TXLNG: variants seen among roughly 807,000 people sequenced by gnomAD.
TXLNG encodes the protein taxilin gamma, also known as gamma-taxilin.
A neutral mutation model predicts 38.8 loss-of-function variants in TXLNG; 5 were observed. That is an observed-to-expected ratio of 0.13 (90% confidence interval 0.07 to 0.27). TXLNG has a LOEUF of 0.27. Among genes scored for constraint, TXLNG ranks in the 10% least tolerant of loss-of-function variants. The pLI, the probability that TXLNG is intolerant of heterozygous loss-of-function variation, is 1.00. For synonymous variants in TXLNG, 182 were observed against 158.2 expected (o/e 1.15, Z -1.13); for missense variants, 393 against 398.2 (o/e 0.99, Z 0.11).
At chrX:16,805,349 C>T (rs895967160) in intron 1 of TXLNG, among the ~76,000 whole-genome samples, 1 of 110,966 alleles carries the variant, frequency 9.0e-6, no homozygotes, top group African/African-American at 3.3e-5. Context: ...CTTGGCTACT[C>T]TGTGCTACTG....
At chrX:16,811,421 A>G (rs1928510676) in intron 1 of TXLNG, among the ~76,000 whole-genome samples, 2 of 110,491 alleles carry the variant, frequency 1.8e-5, no homozygotes, top group Admixed American at 9.7e-5. Flanking sequence ...TAATGGCGCG[A>G]TCTCAGCTTG....
intron 1 of TXLNG, among the ~76,000 whole-genome samples, chrX:16,814,696 A>T (rs192225639): frequency 4.2e-4 from 47 of 111,870 alleles, no homozygotes; most frequent in Non-Finnish European, 2.3e-4. Flanking sequence ...AGCCAAATCC[A>T]TAGAGGCAGC....
At chrX:16,787,308 T>C (rs747464355) in intron 1 of TXLNG, among the ~76,000 whole-genome samples, 1 of 111,886 alleles carries the variant, frequency 8.9e-6, no homozygotes, top group South Asian at 3.7e-4. Context: ...AGGACCTCGG[T>C]CCTGCAGAGT....
chrX:16,791,670 C>G (rs953288389), intron 1 of TXLNG, among the ~76,000 whole-genome samples: 23 of 111,985 alleles, frequency 2.1e-4, no homozygotes, highest in African/African-American at 7.5e-4. Flanking sequence ...ACTGCAACCT[C>G]CACTTTCCGG....
rs759645956 is a variant in TXLNG at position 16,795,187 on chromosome X, G to A, written c.102+8598G>A. 3.6e-5 allele frequency among the ~76,000 whole-genome samples: 4 copies of A among 110,434 alleles called. No individual in the cohort carries two copies. The South Asian group carries it at 1.6e-3, about 44-fold the overall frequency. On this transcript the variant is annotated intron_variant, in intron 1 of 9. Coordinates refer to ENST00000380122, the MANE Select transcript of TXLNG (RefSeq NM_018360.3). ...AGCTACTCGGGAGGCTGAGGCAGGA[G>A]AATGGTGTGAACCTGGGAGGCGGAG...
chrX:16,841,183 G>T (rs1418124506), intron 9 of TXLNG, among the ~76,000 whole-genome samples: 1 of 108,479 alleles, frequency 9.2e-6, no homozygotes, highest in Non-Finnish European at 1.9e-5. Flanking sequence ...AACAGAGCAA[G>T]ACTCTGTCTC....
At chrX:16,828,876 C>T (rs1400104971) in intron 4 of TXLNG, among the ~76,000 whole-genome samples, 4 of 111,672 alleles carry the variant, frequency 3.6e-5, no homozygotes. Context: ...CCTTTATGCC[C>T]TTTATGCCCC....
chrX:16,795,005 C>T (rs7888119), intron 1 of TXLNG, among the ~76,000 whole-genome samples: 52,986 of 110,648 alleles, frequency 0.48, 9,751 homozygotes, highest in Non-Finnish European at 0.6. Context: ...TAGCTGGGCG[C>T]GGTGGCTCAC....
At position 16,830,247 on chromosome X, in the gene TXLNG, A is replaced by G. The variant is rs146642114; in HGVS notation, c.864+477A>G. On this transcript the variant is annotated intron_variant, in intron 5 of 9. Transcript: ENST00000380122. Reference sequence around the variant, plus strand: ...GAAAAACCTACTTCTAACCCCTTCTAACCCCTCACACATAAGCCCATTGAG... The same window carrying G: ...GAAAAACCTACTTCTAACCCCTTCTGACCCCTCACACATAAGCCCATTGAG... Among the ~76,000 whole-genome samples the G allele has an allele frequency of 8.2e-3, 882 of 108,136 alleles. 10 individuals carry two copies. The highest frequency in any genetic ancestry group is 0.014 in the Middle Eastern group (3 of 213). The allele number at this position is 108,136 out of a possible 115,157, so 93.9% of individuals were successfully genotyped here. A position where few individuals can be genotyped will look rare whatever the true frequency, so the allele number is the denominator to read the frequency against.
chrX:16,812,950 C>G (rs1030145502), intron 1 of TXLNG, among the ~76,000 whole-genome samples: 1 of 109,587 alleles, frequency 9.1e-6, no homozygotes, highest in African/African-American at 3.3e-5. Context: ...ATCTGCCCAC[C>G]TCAACCTCCC....
intron 1 of TXLNG, 126 bp downstream of exon 1, chrX:16,786,715 C>T (rs1271304177): frequency 1.0e-5 from 3 of 294,922 alleles, no homozygotes; most frequent in Non-Finnish European, 1.6e-5. Flanking sequence ...GTCTTCTTCC[C>T]TCCCGGGGGT....
intron 1 of TXLNG, among the ~76,000 whole-genome samples, chrX:16,809,669 TC>T (rs1224256479): frequency 9.0e-6 from 1 of 110,893 alleles, no homozygotes; most frequent in African/African-American, 3.3e-5. Context: ...AGTATTTTCT[TC>T]CAGCACTTCT....
Position 16,828,279 on chromosome X carries a change from TTGTC to T in TXLNG, c.669+19_669+22del, listed in dbSNP as rs747523851. Reference sequence around the variant, plus strand: ...AGACGTTAAAGGTTAGTTGCTTCATTTGTCTGTTTTTTTCAGGAGGGACTTATCT... The same window carrying T: ...AGACGTTAAAGGTTAGTTGCTTCATTTGTTTTTTTCAGGAGGGACTTATCT... On this transcript the variant is annotated intron_variant, in intron 4 of 9. Transcript: ENST00000380122. The T allele has an allele frequency of 5.9e-6, 7 of 1,179,028 alleles. No individual in the cohort carries two copies. Among genetic ancestry groups the T allele is most frequent in the African/African-American group, 1.8e-5 (1 of 56,434 alleles).
intron 1 of TXLNG, among the ~76,000 whole-genome samples, chrX:16,804,971 ACC>A (rs755782507): frequency 5.9e-4 from 1 of 1,685 alleles, no homozygotes; most frequent in Non-Finnish European, 8.9e-4. Context: ...ACCACTGCCC[ACC>A]CCCCCCCCCC....
At chrX:16,815,888 G>C (rs1343248609) in intron 1 of TXLNG, among the ~76,000 whole-genome samples, 1 of 109,415 alleles carries the variant, frequency 9.1e-6, no homozygotes, top group Admixed American at 9.9e-5. Context: ...CCTTTCTATT[G>C]CTTTTGTGTA....
At chrX:16,809,878 G>A (rs189599710) in intron 1 of TXLNG, among the ~76,000 whole-genome samples, 100 of 112,043 alleles carry the variant, frequency 8.9e-4, no homozygotes, top group African/African-American at 3.0e-3. Context: ...TATTTTGGGA[G>A]CATCTCTTCC....
chrX:16,828,029 A>G (rs1357735263), intron 3 of TXLNG, 65 bp from the exon 4 acceptor site: 1 of 1,026,621 alleles, frequency 9.7e-7, no homozygotes, highest in African/African-American at 1.9e-5. Flanking sequence ...CTCTCATTAT[A>G]ATTCTAGCCA....
intron 5 of TXLNG, among the ~76,000 whole-genome samples, chrX:16,831,263 T>A (rs1418817223): frequency 8.9e-6 from 1 of 112,054 alleles, no homozygotes; most frequent in East Asian, 2.8e-4. Context: ...CGAAAGCCTG[T>A]CTCTACAAAA....
At position 16,825,136 on chromosome X, in the gene TXLNG, C is replaced by G. The variant is rs749208400; in HGVS notation, c.499-2958C>G. ...TACGAAGATACCTTAACATAAAGGT[C>G]CATAAACATTCAAAGAGATGTTCCA... On this transcript the variant is annotated intron_variant, in intron 3 of 9. Coordinates refer to ENST00000380122, the MANE Select transcript of TXLNG (RefSeq NM_018360.3). Among the ~76,000 whole-genome samples the G allele has an allele frequency of 4.5e-5, 5 of 111,859 alleles. No individual in the cohort carries two copies. In the South Asian group the frequency reaches 1.9e-3, roughly 42 times the overall value.
Sources: gnomAD v4.1 joint callset for allele counts (sites outside exome capture counted in the v4.1 genomes callset) on GRCh38, gnomAD v4.1.1 for gene constraint, MANE v1.5 for transcripts, NCBI Gene and HGNC (gene_info 2026-07-23, HGNC 2026-07-21) for gene names.